Variants in FAM222A observed in about 807,000 individuals in gnomAD.
FAM222A encodes family with sequence similarity 222 member A.
In FAM222A, 7 loss-of-function variants were observed where a neutral mutation model predicts 25.8. The observed-to-expected ratio is 0.27, with a 90% CI of 0.15 to 0.51. The LOEUF is 0.51. Ranked by LOEUF, FAM222A falls within the 20% of genes least tolerant of loss-of-function variation. The pLI, the probability that FAM222A is intolerant of heterozygous loss-of-function variation, is 0.97. For missense variants in FAM222A, 573 were observed against 640.5 expected, an observed-to-expected ratio of 0.89 and a Z score of 1.14; for synonymous variants, 294 against 298.8, an observed-to-expected ratio of 0.98 and a Z score of 0.17.
intron 2 of FAM222A, among the ~76,000 whole-genome samples, chr12:109,758,088 G>T (rs755477521): frequency 1.3e-4 from 20 of 152,220 alleles, no homozygotes; most frequent in Non-Finnish European, 2.4e-4. Context: ...CCGCTCCAGG[G>T]CTGTGGGGTG....
At chr12:109,744,365 C>G in intron 2 of FAM222A, 137 bp downstream of exon 2, 1 of 1,422,428 alleles carries the variant, frequency 7.0e-7, no homozygotes, top group Non-Finnish European at 9.2e-7. Context: ...TTGGCCCCGG[C>G]TGTGCTGCCT....
chr12:109,766,912 T>C (rs1288161079), intron 2 of FAM222A, among the ~76,000 whole-genome samples: 1 of 152,056 alleles, frequency 6.6e-6, no homozygotes, highest in African/African-American at 2.4e-5. Context: ...TTTTATTTTT[T>C]TGAGACAAGG....
intron 1 of FAM222A, among the ~76,000 whole-genome samples, chr12:109,736,308 G>A (rs891683022): frequency 5.3e-5 from 8 of 152,130 alleles, no homozygotes; most frequent in Admixed American, 1.3e-4. Context: ...TGTTGATAGC[G>A]ACCATAAACA....
At chr12:109,720,110 T>A in intron 1 of FAM222A, 1 of 985,352 alleles carries the variant, frequency 1.0e-6, no homozygotes, top group South Asian at 4.7e-5. Context: ...CAGAGCTGGG[T>A]GGGCTGGGCT....
intron 1 of FAM222A, among the ~76,000 whole-genome samples, chr12:109,726,779 T>A (rs1404506140): frequency 6.6e-6 from 1 of 152,084 alleles, no homozygotes; most frequent in Non-Finnish European, 1.5e-5. Context: ...AGGGTGGGAC[T>A]TAGGAGGGAG....
chr12:109,730,415 G>C lies in FAM222A; in HGVS notation c.-46-13686G>C, dbSNP rs1031493615. Among the ~76,000 whole-genome samples the C allele has an allele frequency of 8.7e-5, 13 of 149,526 alleles. No individual in the cohort carries two copies. The South Asian group carries it at 2.2e-3, about 25-fold the overall frequency. On this transcript the variant is annotated intron_variant, in intron 1 of 2. Coordinates refer to ENST00000538780, the MANE Select transcript of FAM222A (RefSeq NM_032829.3). The stretch of plus-strand genomic sequence containing the variant: ...GCACCTGCCTGGGGGGCGGGGGGGG[G>C]GGTTCCTCCAGCCCACACCATTCAT...
chr12:109,719,745 G>T (rs999287165), intron 1 of FAM222A, among the ~76,000 whole-genome samples: 2 of 152,132 alleles, frequency 1.3e-5, no homozygotes, highest in African/African-American at 4.8e-5. Flanking sequence ...CTTATAAGAT[G>T]GTGGAGGTGA....
chr12:109,744,001 T>C, intron 1 of FAM222A, 100 bp from the exon 2 acceptor site: 1 of 1,431,772 alleles, frequency 7.0e-7, no homozygotes, highest in South Asian at 1.5e-5. Flanking sequence ...TGAGAGTCTC[T>C]GATGTTCTTC....
chr12:109,748,936 A>G (rs1009575564), intron 2 of FAM222A, among the ~76,000 whole-genome samples: 2 of 152,068 alleles, frequency 1.3e-5, no homozygotes, highest in African/African-American at 4.8e-5. Flanking sequence ...TTTTACATTA[A>G]TCTTTTTTTA....
chr12:109,753,091 C>CTT (rs1333012735), intron 2 of FAM222A, among the ~76,000 whole-genome samples: 1 of 152,208 alleles, frequency 6.6e-6, no homozygotes, highest in African/African-American at 2.4e-5. Context: ...AATATGCAAA[C>CTT]TTTGAGTCAC....
intron 1 of FAM222A, among the ~76,000 whole-genome samples, chr12:109,718,496 C>CG (rs1392434273): frequency 6.6e-6 from 1 of 152,182 alleles, no homozygotes; most frequent in African/African-American, 2.4e-5. Context: ...CCTCTGGGCT[C>CG]GGGGCGGGGG....
In FAM222A at chr12:109,721,690, T is replaced by C. The variant is rs78073612; in HGVS notation, c.-47+6793T>C. Among the ~76,000 whole-genome samples, 79 of 152,276 alleles carry C rather than the reference T, an allele frequency of 5.2e-4. No homozygotes were observed. In the East Asian group the frequency reaches 0.011, roughly 20 times the overall value. ...GGGGATCTCTGTGTATCCAGGTTGTTCTTAAGCCACAAAAGCCTTTTAGGT... is the reference window on the plus strand; with the variant it reads ...GGGGATCTCTGTGTATCCAGGTTGTCCTTAAGCCACAAAAGCCTTTTAGGT... On this transcript the variant is annotated intron_variant, in intron 1 of 2. Coordinates refer to ENST00000538780, the MANE Select transcript of FAM222A (RefSeq NM_032829.3).
At chr12:109,720,687 G>A (rs990744393) in intron 1 of FAM222A, among the ~76,000 whole-genome samples, 1 of 152,258 alleles carries the variant, frequency 6.6e-6, no homozygotes, top group Non-Finnish European at 1.5e-5. Context: ...TCCAGGCCAG[G>A]CTCCCTGCCA....
At chr12:109,745,695 A>G (rs1366079370) in intron 2 of FAM222A, among the ~76,000 whole-genome samples, 2 of 152,152 alleles carry the variant, frequency 1.3e-5, no homozygotes, top group Non-Finnish European at 2.9e-5. Context: ...TTAGGGATAC[A>G]AGGTCTAGCT....
chr12:109,735,147 C>T (rs762546211), intron 1 of FAM222A, among the ~76,000 whole-genome samples: 3 of 152,232 alleles, frequency 2.0e-5, no homozygotes, highest in Non-Finnish European at 2.9e-5. Context: ...CTCTCCTCCC[C>T]CGACCTGGGC....
At position 109,714,260 on chromosome 12, in the gene FAM222A, CG is replaced by C; in HGVS notation, c.-680del. On this transcript the variant is annotated 5_prime_UTR_variant, in exon 1 of 3. Coordinates refer to ENST00000538780, the MANE Select transcript of FAM222A (RefSeq NM_032829.3). The surrounding 1 kb of genome is among the most constrained non-coding windows in gnomAD (Gnocchi z 4.2). ...CGCCGGCTTCCCCTCCCCCCACACCCGGGGCTCAGAGCAGGAGGAGGAGGGG... is the reference window on the plus strand; with the variant it reads ...CGCCGGCTTCCCCTCCCCCCACACCCGGGCTCAGAGCAGGAGGAGGAGGGG... 5.3e-6 allele frequency: 1 copy of C among 187,426 alleles called. No individual in the cohort carries two copies. Among genetic ancestry groups the C allele is most frequent in the South Asian group, 8.2e-5 (1 of 12,180 alleles). The allele number at this position is 187,426 out of a possible 1,614,324, so 11.6% of individuals were successfully genotyped here.
At chr12:109,724,879 G>A (rs1002845089) in intron 1 of FAM222A, among the ~76,000 whole-genome samples, 1 of 152,172 alleles carries the variant, frequency 6.6e-6, no homozygotes, top group Non-Finnish European at 1.5e-5. Context: ...GGAGGTATTT[G>A]GAGGGCTTTC....
At chr12:109,734,585 T>C (rs1003865992) in intron 1 of FAM222A, 3 of 147,706 alleles carry the variant, frequency 2.0e-5, no homozygotes, top group African/African-American at 7.5e-5. Flanking sequence ...AAATCCCTTT[T>C]GAAAAGTTCT....
chr12:109,727,102 G>A (rs1022068686), intron 1 of FAM222A, among the ~76,000 whole-genome samples: 4 of 151,924 alleles, frequency 2.6e-5, no homozygotes, highest in African/African-American at 4.8e-5. Context: ...GAGACTGGAC[G>A]CGGCCCTGCC....
Sources: gnomAD v4.1 joint callset for allele counts (sites outside exome capture counted in the v4.1 genomes callset) on GRCh38, gnomAD v4.1.1 for gene constraint, Gnocchi (gnomAD v3.1) non-coding constraint, MANE v1.5 for transcripts, NCBI Gene and HGNC (gene_info 2026-07-23, HGNC 2026-07-21) for gene names.